SLC39A4: variants seen among roughly 807,000 people sequenced by gnomAD.
The protein encoded by SLC39A4 is zinc transporter ZIP4.
In SLC39A4, 49 loss-of-function variants were observed where a neutral mutation model predicts 56.6. That is an observed-to-expected ratio of 0.87 (90% CI 0.69 to 1.10). The LOEUF (loss-of-function observed/expected upper bound fraction) is 1.10. Ranked by LOEUF, SLC39A4 falls within the 50% of genes least tolerant of loss-of-function variation. The probability of loss-of-function intolerance (pLI) is 0.00; values close to 1 mark genes in which losing one functional copy is unlikely to be tolerated. For missense variants in SLC39A4, 993 were observed against 864.2 expected (o/e 1.15, Z -1.87); for synonymous variants, 540 against 420.4 (o/e 1.28, Z -3.48).
intron 5 of SLC39A4, 125 bp from the exon 6 acceptor site, chr8:144,414,559 G>T: frequency 6.7e-7 from 1 of 1,498,120 alleles, no homozygotes; most frequent in Non-Finnish European, 9.0e-7. Context: ...TGACCCTCCT[G>T]CCTCAAAGCC....
chr8:144,416,551 G>A (rs2130803923), intron 1 of SLC39A4, 47 bp downstream of exon 1: 1 of 1,541,730 alleles, frequency 6.5e-7, no homozygotes, highest in Non-Finnish European at 8.7e-7. Context: ...GGGCGGAGCT[G>A]GCGGGAAGAG....
In SLC39A4 at chr8:144,415,243, G is replaced by A. The variant is rs782601469; in HGVS notation, c.651C>T (p.Val217=). 21 of 1,612,980 alleles carry A rather than the reference G, an allele frequency of 1.3e-5. No homozygotes were observed. Among genetic ancestry groups the A allele is most frequent in the South Asian group, 4.4e-5 (4 of 91,088 alleles). ...AGGCCTCACCGGCCAGCGTCATAGGGACCTCGCTGCTGTGCTGCTGGAACA... is the reference window on the plus strand; with the variant it reads ...AGGCCTCACCGGCCAGCGTCATAGGAACCTCGCTGCTGTGCTGCTGGAACA... ...DFVFQQHSSE[V]PMTLAELSAL... Residue 217 remains valine, a synonymous_variant, in exon 3 of 12, where the codon GTC becomes GTT. Coordinates refer to ENST00000301305, the MANE Select transcript of SLC39A4 (RefSeq NM_130849.4).
intron 10 of SLC39A4, 122 bp downstream of exon 10, chr8:144,413,115 G>C (rs1288832178): frequency 1.6e-5 from 24 of 1,479,382 alleles, no homozygotes; most frequent in Non-Finnish European, 1.8e-5. Flanking sequence ...CCTGTTTCCG[G>C]TCTCCCCACC....
chr8:144,412,661 C>T lies in SLC39A4; in HGVS notation c.1821G>A (p.Pro607=). 6.2e-7 allele frequency: 1 copy of T among 1,613,950 alleles called. No homozygotes were observed. The highest frequency in any genetic ancestry group is 8.5e-7 in the Non-Finnish European group (1 of 1,179,984). Residue 607 remains proline (P), a synonymous_variant, in exon 12 of 12, where the codon CCG becomes CCA. Transcript: ENST00000301305. The part of the protein sequence containing the change: ...FLYVALCDML[P]AMLKVRDPRP... Reference sequence around the variant, plus strand: ...GCGGGTCCCGTACTTTCAACATCGCCGGGAGCTGAGGAGCAAGTGGGCACC... The same window carrying T: ...GCGGGTCCCGTACTTTCAACATCGCTGGGAGCTGAGGAGCAAGTGGGCACC...
In SLC39A4 at chr8:144,414,063, G is replaced by C; in HGVS notation, c.1182C>G (p.Gly394=). ...VLGLHTHSEE[G]LSPQPTWRLL... The stretch of plus-strand genomic sequence containing the variant: ...GGCGCCAGGTGGGCTGTGGGCTGAG[G>C]CCCTCTTCGCTGTGTGTATGCAGCC... The change falls in exon 7 of 12, where the codon GGC becomes GGG. Residue 394 remains glycine (G), a synonymous_variant. Transcript: ENST00000301305. 6.4e-7 allele frequency: 1 copy of C among 1,565,532 alleles called. No homozygotes were observed. The highest frequency in any genetic ancestry group is 2.4e-5 in the East Asian group (1 of 42,084).
chr8:144,414,480 G>T, intron 5 of SLC39A4, 46 bp from the exon 6 acceptor site: 1 of 1,548,540 alleles, frequency 6.5e-7, no homozygotes. Flanking sequence ...TCCAGACTCA[G>T]CCCCTGCTTC....
intron 1 of SLC39A4, 84 bp from the exon 2 acceptor site, chr8:144,416,175 C>T (rs1822187520): frequency 1.3e-6 from 2 of 1,596,004 alleles, no homozygotes; most frequent in Non-Finnish European, 1.7e-6. Flanking sequence ...CCCCGAGGGC[C>T]TGTTTCCCTT....
chr8:144,413,905 C>T lies in SLC39A4; in HGVS notation c.1288-24G>A, dbSNP rs782074560. On this transcript the variant is annotated intron_variant, in intron 7 of 11. Transcript: ENST00000301305. ...TCCTGTGAGGGTAGGTGCTCAGTGT[C>T]CACCAGGCCCCCAGCACACCCACCC... 8 of 1,609,514 alleles carry T rather than the reference C, an allele frequency of 5.0e-6. No homozygotes were observed. In the South Asian group the frequency reaches 5.5e-5, roughly 11 times the overall value.
At chr8:144,416,335 T>C in intron 1 of SLC39A4, 2 of 1,472,168 alleles carry the variant, frequency 1.4e-6, no homozygotes, top group Non-Finnish European at 1.8e-6. Flanking sequence ...CTGGAGCCAC[T>C]GCCAATTTGA....
At chr8:144,413,138 G>A (rs1165237271) in intron 10 of SLC39A4, 99 bp downstream of exon 10, 2 of 1,497,330 alleles carry the variant, frequency 1.3e-6, no homozygotes, top group African/African-American at 1.5e-5. Context: ...GCCAGGTGCG[G>A]CCCCGCCCAT....
In SLC39A4 at chr8:144,413,550, C is replaced by G. The variant is rs781864988; in HGVS notation, c.1437G>C (p.Pro479=). 1 of 1,554,782 alleles carries G rather than the reference C, an allele frequency of 6.4e-7. No individual in the cohort carries two copies. Among genetic ancestry groups the G allele is most frequent in the East Asian group, 2.4e-5 (1 of 41,298 alleles). Residue 479 remains proline (P), a synonymous_variant, in exon 9 of 12, where the codon CCG becomes CCC. Coordinates refer to ENST00000301305, the MANE Select transcript of SLC39A4 (RefSeq NM_130849.4). ...TCCTGGGCTCAGGGTTCAGCAGCTC[C>G]GGGCTCTCCTCCGCCACCTGGGAGG... ...SRADLVAEES[P]ELLNPEPRRL...
Position 144,416,061 on chromosome 8 carries a change from C to T in SLC39A4, c.223G>A (p.Gly75Ser). Residue 75 changes from glycine (G) to serine (S), a missense_variant, in exon 2 of 12, where the codon GGC (glycine) becomes AGC (serine). Transcript: ENST00000301305. ...CLSVEDALGL[G>S]EPEGSGLPPG... Reference sequence around the variant, plus strand: ...GGCAGCCCTGACCCCTCAGGCTCGCCCAGGCCCAGGGCGTCCTCCACAGAC... The same window carrying T: ...GGCAGCCCTGACCCCTCAGGCTCGCTCAGGCCCAGGGCGTCCTCCACAGAC... 1 of 1,592,170 alleles carries T rather than the reference C, an allele frequency of 6.3e-7. No homozygotes were observed. Among genetic ancestry groups the T allele is most frequent in the Non-Finnish European group, 8.5e-7 (1 of 1,172,580 alleles).
At position 144,412,654 on chromosome 8, in the gene SLC39A4, A is replaced by T. The variant is rs1554871845; in HGVS notation, c.1828T>A (p.Leu610Met). Residue 610 changes from leucine (L) to methionine (M), a missense_variant, in exon 12 of 12, where the codon TTG becomes ATG. Coordinates refer to ENST00000301305, the MANE Select transcript of SLC39A4 (RefSeq NM_130849.4). The part of the protein sequence containing the change: ...VALCDMLPAM[L>M]KVRDPRPWLL... ...CAGGGCCGCGGGTCCCGTACTTTCA[A>T]CATCGCCGGGAGCTGAGGAGCAAGT... 6.2e-7 allele frequency: 1 copy of T among 1,613,998 alleles called. No homozygotes were observed. Among genetic ancestry groups the T allele is most frequent in the Non-Finnish European group, 8.5e-7 (1 of 1,179,982 alleles).
At chr8:144,416,533 G>C (rs1405578182) in intron 1 of SLC39A4, 65 bp downstream of exon 1, 7 of 1,530,388 alleles carry the variant, frequency 4.6e-6, no homozygotes, top group African/African-American at 1.4e-5. Context: ...CTTTGCTGCC[G>C]GCTGGCAGGG....
rs1297397531 is a variant in SLC39A4 at position 144,413,245 on chromosome 8, T to C, written c.1619A>G (p.His540Arg). ...GCCCCGCCTGCGCTCACCCAGCTCGTGTGGCAACTCGTGGCAGAACACGGC... is the reference window on the plus strand; with the variant it reads ...GCCCCGCCTGCGCTCACCCAGCTCGCGTGGCAACTCGTGGCAGAACACGGC... ...SLAVFCHELP[H>R]ELGDFAALLH... The change falls in exon 10 of 12, where the codon CAC becomes CGC. Residue 540 changes from histidine to arginine, a missense_variant. Physicochemically the swap from His to Arg is conservative, Grantham distance 29. Transcript: ENST00000301305. 2 of 1,578,918 alleles carry C rather than the reference T, an allele frequency of 1.3e-6. No individual in the cohort carries two copies. Among genetic ancestry groups the C allele is most frequent in the African/African-American group, 2.7e-5 (2 of 74,410 alleles).
At chr8:144,416,403 G>A in intron 1 of SLC39A4, 195 bp downstream of exon 1, 3 of 1,446,368 alleles carry the variant, frequency 2.1e-6, no homozygotes, top group South Asian at 1.5e-5. Flanking sequence ...GAGGGACTGT[G>A]TCCCTGGAAA....
In SLC39A4 at chr8:144,414,831, C is replaced by T. The variant is rs374566088; in HGVS notation, c.870G>A (p.Pro290=). The T allele has an allele frequency of 5.0e-5, 81 of 1,613,082 alleles. 2 individuals are homozygous for T. The highest frequency in any genetic ancestry group is 2.7e-4 in the East Asian group (12 of 44,874). ...YGLSEQAGVT[P]EAWAQLSPAL... is the part of the protein sequence containing the mutation. ...CAGGGCTCAGTTGGGCCCAGGCCTC[C>T]GGGGTCACCCCAGCCTGTTCCGACA... Residue 290 remains proline, a synonymous_variant, in exon 5 of 12, where the codon CCG becomes CCA. Transcript: ENST00000301305.
Position 144,413,318 on chromosome 8 carries a change from C to T in SLC39A4, c.1546G>A (p.Gly516Ser). ...VHNFADGLAVGAAFASSWKTG... is the reference protein window; with the variant it reads ...VHNFADGLAVSAAFASSWKTG... ...TTCCAGGAGGACGCGAAGGCGGCGC[C>T]CACGGCCAGCCCGTCGGCGAAGTTG... Residue 516 changes from glycine to serine, a missense_variant, in exon 10 of 12, where the codon GGC becomes AGC. Gly to Ser is a moderately conservative substitution (Grantham distance 56). Coordinates refer to ENST00000301305, the MANE Select transcript of SLC39A4 (RefSeq NM_130849.4). 1.4e-5 allele frequency: 22 copies of T among 1,604,756 alleles called. No individual in the cohort carries two copies. Among genetic ancestry groups the T allele is most frequent in the Non-Finnish European group, 1.9e-5 (22 of 1,178,894 alleles).
chr8:144,414,851 C>G lies in SLC39A4; in HGVS notation c.850G>C (p.Glu284Gln). The G allele has an allele frequency of 6.2e-7, 1 of 1,613,336 alleles. No individual in the cohort carries two copies. Among genetic ancestry groups the G allele is most frequent in the Non-Finnish European group, 8.5e-7 (1 of 1,179,970 alleles). ...GCCTCCGGGGTCACCCCAGCCTGTT[C>G]CGACAGTCCATATGCAGCCATCACG... ...RDVMAAYGLS[E>Q]QAGVTPEAWA... Residue 284 changes from glutamate (E) to glutamine (Q), a missense_variant, in exon 5 of 12, where the codon GAA becomes CAA. Physicochemically the swap from Glu to Gln is conservative, Grantham distance 29. Coordinates refer to ENST00000301305, the MANE Select transcript of SLC39A4 (RefSeq NM_130849.4).
Sources: gnomAD v4.1 joint callset for allele counts on GRCh38, gnomAD v4.1.1 for gene constraint, MANE v1.5 for transcripts, NCBI Gene and HGNC (gene_info 2026-07-23, HGNC 2026-07-21) for gene names.